TCP11: variants seen among roughly 807,000 people sequenced by gnomAD.
The protein encoded by TCP11 is t-complex 11.
TCP11 carries 34 observed loss-of-function variants against 45.0 expected under a neutral mutation model. That is an observed-to-expected ratio of 0.76 (90% CI 0.57 to 1.01). The LOEUF (loss-of-function observed/expected upper bound fraction) is 1.01. Ranked by LOEUF, TCP11 falls within the 50% of genes least tolerant of loss-of-function variation. The probability of loss-of-function intolerance (pLI) is 0.00; values close to 1 mark genes in which losing one functional copy is unlikely to be tolerated. For missense variants in TCP11, 523 were observed against 598.1 expected (o/e 0.87, Z 1.31); for synonymous variants, 227 against 227.0 (o/e 1.00, Z 0.00).
chr6:35,140,210 T>A (rs1390249511), intron 2 of TCP11: 3 of 1,529,114 alleles, frequency 2.0e-6, no homozygotes, highest in Non-Finnish European at 2.6e-6. Context: ...CTCAGTTTGA[T>A]GACTAGTTAC....
At chr6:35,137,977 A>C (rs1393254028) in intron 2 of TCP11, 1 of 346,878 alleles carries the variant, frequency 2.9e-6, no homozygotes, top group African/African-American at 2.2e-5. Flanking sequence ...GAAAAGTTAC[A>C]CAGGAGAATG....
chr6:35,122,673 G>A (rs981383213), intron 4 of TCP11, among the ~76,000 whole-genome samples: 5 of 152,058 alleles, frequency 3.3e-5, no homozygotes, highest in African/African-American at 1.2e-4. Context: ...AACTTTAAAA[G>A]GGAGGCATTT....
rs576606080 is a variant in TCP11 at position 35,118,652 on chromosome 6, A to T, written c.1280-151T>A. On this transcript the variant is annotated intron_variant, in intron 9 of 9. Transcript: ENST00000311875. The stretch of plus-strand genomic sequence containing the variant: ...AGATAATGAAATTTGTTTTGTTTGG[A>T]AAGGGGGCTGCTATCTTGCTCTCAA... 6.6e-5 allele frequency: 46 copies of T among 692,430 alleles called. No individual in the cohort carries two copies. In the African/African-American group the frequency reaches 7.9e-4, roughly 12 times the overall value. 42.9% of individuals were successfully genotyped at this position (692,430 alleles called of 1,614,324 possible).
chr6:35,129,947 TA>T (rs1481620026), intron 3 of TCP11, among the ~76,000 whole-genome samples: 1 of 151,930 alleles, frequency 6.6e-6, no homozygotes, highest in African/African-American at 2.4e-5. Context: ...CTAATTTTTT[TA>T]TTTTTTTATT....
At chr6:35,136,071 G>C (rs1781043420) in intron 3 of TCP11, 36 bp downstream of exon 3, 1 of 1,557,868 alleles carries the variant, frequency 6.4e-7, no homozygotes, top group East Asian at 2.2e-5. Flanking sequence ...ACCTAAGCCA[G>C]GATGAGCAAC....
chr6:35,131,374 C>T (rs1316265180), intron 3 of TCP11, among the ~76,000 whole-genome samples: 3 of 152,036 alleles, frequency 2.0e-5, no homozygotes, highest in African/African-American at 7.2e-5. Flanking sequence ...TCGAGACCGG[C>T]CTGGCCAATA....
rs369115559 is a variant in TCP11, at chr6:35,126,348, A to G, written c.357+2714T>C. ...TATGGAGTTGTCTTCCCTGTTTGCC[A>G]TGCTTCTGTCAGTACCAGCATCCAG... On this transcript the variant is annotated intron_variant, in intron 4 of 9. Transcript: ENST00000311875. Among the ~76,000 whole-genome samples the G allele has an allele frequency of 4.4e-3, 675 of 152,278 alleles. 6 individuals carry two copies. Among genetic ancestry groups the G allele is most frequent in the Middle Eastern group, 0.027 (8 of 294 alleles).
At chr6:35,124,668 G>C (rs776546874) in intron 4 of TCP11, among the ~76,000 whole-genome samples, 4 of 152,086 alleles carry the variant, frequency 2.6e-5, no homozygotes, top group African/African-American at 7.2e-5. Flanking sequence ...AAAGAATAGA[G>C]AGCTGATAAA....
chr6:35,140,537 C>G, intron 2 of TCP11: 1 of 663,312 alleles, frequency 1.5e-6, no homozygotes, highest in Non-Finnish European at 2.8e-6. Context: ...TTCAAGTAAT[C>G]ACGCTTGGGT....
Position 35,141,256 on chromosome 6 carries a change from GCGGCC to G in TCP11, c.-71_-67del. ...CACTGGCGTCCGCTCGGTGGGCCTC[GCGGCC>G]TGGCGGCCTGGAGCGTACCACCGCG... On this transcript the variant is annotated 5_prime_UTR_variant, in exon 1 of 10. Coordinates refer to ENST00000311875, the MANE Select transcript of TCP11 (RefSeq NM_001370687.1). 1.6e-5 allele frequency: 3 copies of G among 185,388 alleles called. No homozygotes were observed. Among genetic ancestry groups the G allele is most frequent in the South Asian group, 8.6e-5 (1 of 11,562 alleles). 11.5% of individuals were successfully genotyped at this position (185,388 alleles called of 1,614,324 possible).
intron 4 of TCP11, among the ~76,000 whole-genome samples, chr6:35,123,762 T>C (rs4628094): frequency 0.18 from 27,081 of 150,838 alleles, 3,024 homozygotes; most frequent in African/African-American, 0.29. Flanking sequence ...GCTGGGATTA[T>C]AATCATAAGC....
Position 35,140,574 on chromosome 6 carries a change from CTT to C in TCP11, c.124+171_124+172del, listed in dbSNP as rs939170995. 2.9e-5 allele frequency: 20 copies of C among 685,652 alleles called. No individual in the cohort carries two copies. The Admixed American group carries it at 4.0e-4, about 14-fold the overall frequency. The allele number at this position is 685,652 out of a possible 1,614,324, so 42.5% of individuals were successfully genotyped here. ...ACTTCTTTCTCTAGAACCAAAAACT[CTT>C]TGAAGACCTCTGCCCTCGGGCCTGT... On this transcript the variant is annotated intron_variant, in intron 2 of 9. Transcript: ENST00000311875.
intron 2 of TCP11, chr6:35,140,398 C>G: frequency 3.7e-6 from 2 of 534,198 alleles, no homozygotes; most frequent in South Asian, 3.6e-5. Context: ...CTGAGAAAAC[C>G]CAATTCCCGT....
intron 2 of TCP11, among the ~76,000 whole-genome samples, chr6:35,136,541 A>G (rs1781137885): frequency 7.7e-6 from 1 of 129,530 alleles, no homozygotes; most frequent in African/African-American, 3.0e-5. Flanking sequence ...TGAAATTTGC[A>G]AAAATAAACA....
rs1313978214 is a variant in TCP11 at position 35,120,608 on chromosome 6, C to CT, written c.753dup (p.Ala252SerfsTer16). 1 of 1,613,764 alleles carries CT rather than the reference C, an allele frequency of 6.2e-7. No homozygotes were observed. Among genetic ancestry groups the CT allele is most frequent in the Admixed American group, 1.7e-5 (1 of 60,018 alleles). On this transcript the variant is annotated frameshift_variant, in exon 7 of 10. Coordinates refer to ENST00000311875, the MANE Select transcript of TCP11 (RefSeq NM_001370687.1). LOFTEE classifies it high-confidence loss of function. This position sits in a 1 kb window ranked among gnomAD's most constrained non-coding sequence, Gnocchi z 4.9. ...GGAGGTGACATGGTGAGGTCTCCTG[C>CT]TGCTTGGGTCAGCCATTTGGTGGTG... is the stretch of plus-strand genomic sequence containing the variant.
At chr6:35,133,222 G>A (rs1562005299) in intron 3 of TCP11, among the ~76,000 whole-genome samples, 1 of 151,830 alleles carries the variant, frequency 6.6e-6, no homozygotes, top group Non-Finnish European at 1.5e-5. Context: ...TGTTGCCTGG[G>A]CTGGAGTGCA....
intron 3 of TCP11, among the ~76,000 whole-genome samples, chr6:35,135,620 T>A (rs1158259245): frequency 4.4e-4 from 53 of 121,520 alleles, no homozygotes; most frequent in Admixed American, 6.8e-4. Context: ...ACCCCATCTC[T>A]AAAAAAAAAA....
chr6:35,120,699 C>T lies in TCP11; in HGVS notation c.716-53G>A. The T allele has an allele frequency of 1.3e-6, 2 of 1,541,648 alleles. No homozygotes were observed. The highest frequency in any genetic ancestry group is 1.8e-6 in the Non-Finnish European group (2 of 1,132,600). Reference sequence around the variant, plus strand: ...ATCTTTAGCATCTTCATCTCTGAGGCTTCAAGACCAAGGTTCTTTTCAAGT... The same window carrying T: ...ATCTTTAGCATCTTCATCTCTGAGGTTTCAAGACCAAGGTTCTTTTCAAGT... On this transcript the variant is annotated intron_variant, in intron 6 of 9. Coordinates refer to ENST00000311875, the MANE Select transcript of TCP11 (RefSeq NM_001370687.1). The surrounding 1 kb of genome is among the most constrained non-coding windows in gnomAD (Gnocchi z 4.9).
intron 4 of TCP11, 118 bp from the exon 5 acceptor site, chr6:35,122,455 G>A: frequency 1.1e-6 from 1 of 898,808 alleles, no homozygotes; most frequent in South Asian, 1.8e-5. Flanking sequence ...CAAGAAGTTG[G>A]GTCCCTAAAT....
Sources: gnomAD v4.1 joint callset for allele counts (sites outside exome capture counted in the v4.1 genomes callset) on GRCh38, gnomAD v4.1.1 for gene constraint, Gnocchi (gnomAD v3.1) non-coding constraint, MANE v1.5 for transcripts, NCBI Gene and HGNC (gene_info 2026-07-23, HGNC 2026-07-21) for gene names.